DLGAP2: variants seen among roughly 807,000 people sequenced by gnomAD.
The protein encoded by DLGAP2 is DLG associated protein 2, also known as disks large-associated protein 2.
Under a neutral mutation model 100.3 loss-of-function variants are expected in DLGAP2, and 26 were observed. That is an observed-to-expected ratio of 0.26 (90% confidence interval 0.19 to 0.36). The LOEUF (loss-of-function observed/expected upper bound fraction) is 0.36, where lower values mean the gene tolerates loss of function less well. Among genes scored for constraint, DLGAP2 ranks in the 10% least tolerant of loss-of-function variants. DLGAP2 has a pLI of 1.00. For synonymous variants in DLGAP2, 886 were observed against 630.1 expected, an observed-to-expected ratio of 1.41 and a Z score of -6.08; for missense variants, 1,858 against 1,453.2, an observed-to-expected ratio of 1.28 and a Z score of -4.53.
intron 2 of DLGAP2, among the ~76,000 whole-genome samples, chr8:1,051,133 T>C (rs1282001854): frequency 6.6e-6 from 1 of 151,854 alleles, no homozygotes; most frequent in Admixed American, 6.6e-5. Flanking sequence ...ATGATGGCCC[T>C]GGATGGGACA....
intron 6 of DLGAP2, among the ~76,000 whole-genome samples, chr8:1,590,087 C>T (rs113334741): frequency 6.6e-6 from 1 of 152,312 alleles, no homozygotes; most frequent in East Asian, 1.9e-4. Context: ...GGGTGCATCA[C>T]TCCACCCTCG....
At chr8:860,636 A>G (rs1233074680) in intron 1 of DLGAP2, among the ~76,000 whole-genome samples, 1 of 152,224 alleles carries the variant, frequency 6.6e-6, no homozygotes, top group Admixed American at 6.5e-5. Flanking sequence ...TCCTGGACTT[A>G]AACCATTTTC....
intron 2 of DLGAP2, among the ~76,000 whole-genome samples, chr8:932,526 A>G (rs1238750428): frequency 1.3e-5 from 2 of 152,234 alleles, no homozygotes; most frequent in African/African-American, 4.8e-5. Flanking sequence ...AAATGTGAAT[A>G]AGGTTTGTCA....
rs1563161134 is a variant in DLGAP2, at chr8:1,042,803, GTGTGGGTGGTGGA to G, written c.73+134850_73+134862del. On this transcript the variant is annotated intron_variant, in intron 2 of 14. Transcript: ENST00000637795. ...TGTGGGTGGTGGGTGTGGGTGGTGGGTGTGGGTGGTGGATGTGGGTGGTGGGTGTGGGTGGTGG... is the reference window on the plus strand; with the variant it reads ...TGTGGGTGGTGGGTGTGGGTGGTGGGTGTGGGTGGTGGGTGTGGGTGGTGG... 1.2e-3 allele frequency among the ~76,000 whole-genome samples: 69 copies of G among 57,480 alleles called. 5 individuals carry two copies. The highest frequency in any genetic ancestry group is 1.9e-3 in the Non-Finnish European group (52 of 26,934). The allele number at this position is 57,480 out of a possible 152,430, so 37.7% of individuals were successfully genotyped here.
intron 14 of DLGAP2, 21 bp from the exon 15 acceptor site, chr8:1,701,167 G>A: frequency 6.5e-7 from 1 of 1,549,588 alleles, no homozygotes; most frequent in East Asian, 2.4e-5. Context: ...CCTGCCAACG[G>A]TGACTTGCGC....
At chr8:1,006,945 T>C (rs937187542) in intron 2 of DLGAP2, among the ~76,000 whole-genome samples, 1 of 151,830 alleles carries the variant, frequency 6.6e-6, no homozygotes, top group Non-Finnish European at 1.5e-5. Context: ...GATGTGGTCC[T>C]TTATCACGTC....
chr8:1,262,333 A>G (rs1799368169), intron 3 of DLGAP2: 1 of 152,186 alleles, frequency 6.6e-6, no homozygotes, highest in Non-Finnish European at 1.5e-5. Context: ...CGAGGTTTTG[A>G]AACTTGTGAG....
rs138096599 is a variant in DLGAP2, at chr8:838,587, C to T, written c.19-69325C>T. ...ATTAATTATAGATCCAGTGGATTTC[C>T]CTTTCTAGCTTGGACAAGTGCTCAG... On this transcript the variant is annotated intron_variant, in intron 1 of 14. Transcript: ENST00000637795. Among the ~76,000 whole-genome samples the T allele has an allele frequency of 2.6e-5, 4 of 151,918 alleles. No homozygotes were observed. The East Asian group carries it at 7.7e-4, about 29-fold the overall frequency.
At chr8:1,247,356 C>G (rs115957903) in intron 2 of DLGAP2, among the ~76,000 whole-genome samples, 3,893 of 79,390 alleles carry the variant, frequency 0.049, 474 homozygotes, top group African/African-American at 0.1. Flanking sequence ...AGACCTTTGA[C>G]ATCAGTGTGG....
chr8:1,068,249 A>C (rs1803316693), intron 2 of DLGAP2, among the ~76,000 whole-genome samples: 1 of 152,196 alleles, frequency 6.6e-6, no homozygotes, highest in Admixed American at 6.5e-5. Context: ...TGATGAATGA[A>C]GCTGCCATAA....
At chr8:878,975 G>C (rs1483823128) in intron 1 of DLGAP2, among the ~76,000 whole-genome samples, 2 of 152,244 alleles carry the variant, frequency 1.3e-5, no homozygotes, top group African/African-American at 4.8e-5. Context: ...ATGGCTTTTA[G>C]AGTCCTGGGA....
chr8:1,523,535 C>G (rs535196629), intron 4 of DLGAP2, among the ~76,000 whole-genome samples: 58 of 152,316 alleles, frequency 3.8e-4, no homozygotes, highest in African/African-American at 1.3e-3. Flanking sequence ...ACTCCCTGCC[C>G]CAGGCCGGCA....
intron 2 of DLGAP2, among the ~76,000 whole-genome samples, chr8:1,184,731 A>G (rs1483667986): frequency 3.9e-5 from 6 of 152,144 alleles, no homozygotes; most frequent in African/African-American, 7.2e-5. Context: ...GTAGCCTGGG[A>G]GGAGGGTGAG....
intron 3 of DLGAP2, chr8:1,377,884 G>A (rs1795995245): frequency 6.6e-6 from 1 of 152,332 alleles, no homozygotes; most frequent in African/African-American, 2.4e-5. Context: ...CTTCTGCGAA[G>A]CTGCACCCAC....
intron 2 of DLGAP2, among the ~76,000 whole-genome samples, chr8:1,078,143 C>T (rs537197609): frequency 6.6e-6 from 1 of 152,152 alleles, no homozygotes; most frequent in Non-Finnish European, 1.5e-5. Flanking sequence ...CCAGCTCCCT[C>T]AACACGCTGG....
chr8:1,501,760 G>T (rs1342701822), intron 4 of DLGAP2, among the ~76,000 whole-genome samples: 3 of 152,134 alleles, frequency 2.0e-5, no homozygotes, highest in African/African-American at 7.2e-5. Context: ...AGGAAGCAGG[G>T]TGTTCCCGCA....
At chr8:811,743 T>TG (rs1278965309) in intron 1 of DLGAP2, among the ~76,000 whole-genome samples, 1 of 149,360 alleles carries the variant, frequency 6.7e-6, no homozygotes, top group African/African-American at 2.5e-5. Flanking sequence ...AGGAACTATC[T>TG]GGGGGCCCTG....
intron 2 of DLGAP2, among the ~76,000 whole-genome samples, chr8:1,126,965 C>G (rs932414960): frequency 2.0e-5 from 3 of 151,508 alleles, no homozygotes; most frequent in Non-Finnish European, 4.4e-5. Flanking sequence ...GTCCCCAGCC[C>G]AGCTCTTAAA....
At chr8:1,330,010 C>A (rs1215719776) in intron 3 of DLGAP2, among the ~76,000 whole-genome samples, 1 of 152,212 alleles carries the variant, frequency 6.6e-6, no homozygotes, top group Non-Finnish European at 1.5e-5. Flanking sequence ...CTGCGGACCC[C>A]AGGGACAGAA....
Sources: allele counts gnomAD v4.1 joint callset (sites outside exome capture counted in the v4.1 genomes callset), GRCh38; gene constraint gnomAD v4.1.1; transcripts MANE v1.5; gene names NCBI Gene and HGNC (gene_info 2026-07-23, HGNC 2026-07-21).